The following CEP170B variants were observed in gnomAD, a reference collection of about 807,000 sequenced individuals.
The protein encoded by CEP170B is centrosomal protein of 170 kDa protein B.
Under a neutral mutation model 120.6 loss-of-function variants are expected in CEP170B, and 55 were observed. The ratio of observed to expected loss-of-function variants is 0.46; its 90% CI spans 0.37 to 0.57. CEP170B has a LOEUF of 0.57. Ranked by LOEUF, CEP170B falls within the 20% of genes least tolerant of loss-of-function variation. The pLI, the probability that CEP170B is intolerant of heterozygous loss-of-function variation, is 0.00. For synonymous variants in CEP170B, 1,033 were observed against 954.5 expected, an observed-to-expected ratio of 1.08 and a Z score of -1.52; for missense variants, 2,212 against 2,253.3, an observed-to-expected ratio of 0.98 and a Z score of 0.37.
At position 104,886,447 on chromosome 14, in the gene CEP170B, C is replaced by T; in HGVS notation, c.2208C>T (p.Leu736=). The T allele has an allele frequency of 6.4e-7, 1 of 1,572,276 alleles. No individual in the cohort carries two copies. The highest frequency in any genetic ancestry group is 1.4e-5 in the African/African-American group (1 of 74,070). Residue 736 remains leucine (L), a synonymous_variant, in exon 12 of 19, where the codon CTC becomes CTT. Coordinates refer to ENST00000414716, the MANE Select transcript of CEP170B (RefSeq NM_001112726.3). ...TGGACAGTGAGCAGCCCAGCCGCCTCTTCGGCCAGGAGGAGTTGGATCCTG... is the reference window on the plus strand; with the variant it reads ...TGGACAGTGAGCAGCCCAGCCGCCTTTTCGGCCAGGAGGAGTTGGATCCTG... ...PELDSEQPSR[L]FGQEELDPDS...
intron 7 of CEP170B, 89 bp downstream of exon 7, chr14:104,882,921 C>G: frequency 2.0e-6 from 3 of 1,468,226 alleles, no homozygotes; most frequent in South Asian, 2.6e-5. Flanking sequence ...GAGCCCACTC[C>G]GGGGGACATG....
At position 104,865,297 on chromosome 14, in the gene CEP170B, C is replaced by G. The variant is rs1403545275; in HGVS notation, c.-244C>G. 4 of 145,548 alleles carry G rather than the reference C, an allele frequency of 2.7e-5. No individual in the cohort carries two copies. Among genetic ancestry groups the G allele is most frequent in the Non-Finnish European group, 4.6e-5 (3 of 65,616 alleles). 9.0% of individuals were successfully genotyped at this position (145,548 alleles called of 1,614,324 possible). On this transcript the variant is annotated 5_prime_UTR_variant, in exon 1 of 19. Coordinates refer to ENST00000414716, the MANE Select transcript of CEP170B (RefSeq NM_001112726.3). The surrounding 1 kb of genome is among the most constrained non-coding windows in gnomAD (Gnocchi z 6.7). ...GTCAGGGACCCGCGCGCGAGGCCGC[C>G]GGCGGCCGCTCTGCCGTGGGCTCGG...
chr14:104,865,301 G>T lies in CEP170B; in HGVS notation c.-240G>T, dbSNP rs1469241999. On this transcript the variant is annotated 5_prime_UTR_variant, in exon 1 of 19. Transcript: ENST00000414716. This position sits in a 1 kb window ranked among gnomAD's most constrained non-coding sequence, Gnocchi z 6.7. ...GGGACCCGCGCGCGAGGCCGCCGGC[G>T]GCCGCTCTGCCGTGGGCTCGGCCCG... 6.8e-6 allele frequency: 1 copy of T among 146,436 alleles called. No individual in the cohort carries two copies. The highest frequency in any genetic ancestry group is 2.0e-4 in the East Asian group (1 of 5,054). 9.1% of individuals were successfully genotyped at this position (146,436 alleles called of 1,614,324 possible).
intron 7 of CEP170B, 59 bp from the exon 8 acceptor site, chr14:104,882,976 G>A: frequency 2.0e-6 from 3 of 1,466,270 alleles, no homozygotes; most frequent in East Asian, 2.5e-5. Flanking sequence ...TCCTGGCTGA[G>A]GAGGGTGGTG....
At position 104,870,507 on chromosome 14, in the gene CEP170B, T is replaced by A. The variant is rs1229625414; in HGVS notation, c.105+1952T>A. Among the ~76,000 whole-genome samples the A allele has an allele frequency of 6.6e-6, 1 of 152,056 alleles. No homozygotes were observed. The highest frequency in any genetic ancestry group is 1.5e-5 in the Non-Finnish European group (1 of 67,992). On this transcript the variant is annotated intron_variant, in intron 2 of 18. Coordinates refer to ENST00000414716, the MANE Select transcript of CEP170B (RefSeq NM_001112726.3). This position sits in a 1 kb window ranked among gnomAD's most constrained non-coding sequence, Gnocchi z 4.1. ...TCTACCTAGGGTGGCTAGGAGGGCT[T>A]CTTGGAGGCGGCGGCACTTTGGAGC... is the stretch of plus-strand genomic sequence containing the variant.
At chr14:104,885,989 T>C (rs1727901930) in intron 10 of CEP170B, 51 bp from the exon 11 acceptor site, 1 of 1,464,652 alleles carries the variant, frequency 6.8e-7, no homozygotes, top group Non-Finnish European at 9.1e-7. Context: ...CACCCCCTGC[T>C]TCTCGCCGTT....
rs772898428 is a variant in CEP170B at position 104,876,210 on chromosome 14, A to G, written c.106-46A>G. On this transcript the variant is annotated intron_variant, in intron 2 of 18. Transcript: ENST00000414716. The stretch of plus-strand genomic sequence containing the variant: ...GGGGTGCCTCTGCCTCTTGGGTGTC[A>G]CCTCCTCCCCTGGAGCACCTGAGGG... The G allele has an allele frequency of 8.4e-6, 13 of 1,540,274 alleles. No homozygotes were observed. In the South Asian group the frequency reaches 1.4e-4, roughly 17 times the overall value.
At chr14:104,875,384 T>C (rs895330909) in intron 2 of CEP170B, among the ~76,000 whole-genome samples, 3 of 152,052 alleles carry the variant, frequency 2.0e-5, no homozygotes, top group African/African-American at 7.2e-5. Flanking sequence ...CTTCCCTGGG[T>C]CGGCTGGTTC....
At chr14:104,888,845 G>A (rs982640591) in intron 12 of CEP170B, among the ~76,000 whole-genome samples, 1 of 152,260 alleles carries the variant, frequency 6.6e-6, no homozygotes, top group Admixed American at 6.5e-5. Flanking sequence ...GGCAGGGTTC[G>A]CTGGAGGAAG....
chr14:104,869,802 G>A (rs1257609502), intron 2 of CEP170B, among the ~76,000 whole-genome samples: 2 of 152,172 alleles, frequency 1.3e-5, no homozygotes, highest in African/African-American at 4.8e-5. Flanking sequence ...CACCAAATTG[G>A]CCGGCGCCTA....
rs1346946526 is a variant in CEP170B at position 104,865,580 on chromosome 14, G to A, written c.-28+67G>A. 3 of 150,988 alleles carry A rather than the reference G, an allele frequency of 2.0e-5. No individual in the cohort carries two copies. Among genetic ancestry groups the A allele is most frequent in the African/African-American group, 7.3e-5 (3 of 41,258 alleles). The allele number at this position is 150,988 out of a possible 1,614,324, so 9.4% of individuals were successfully genotyped here. Reference sequence around the variant, plus strand: ...CCATCGCCCGCACCTGCACGGCTGTGGGGTCTCACGGGGCGCGGGGTCCCG... The same window carrying A: ...CCATCGCCCGCACCTGCACGGCTGTAGGGTCTCACGGGGCGCGGGGTCCCG... On this transcript the variant is annotated intron_variant, in intron 1 of 18. Coordinates refer to ENST00000414716, the MANE Select transcript of CEP170B (RefSeq NM_001112726.3). The surrounding 1 kb of genome is among the most constrained non-coding windows in gnomAD (Gnocchi z 6.7).
At chr14:104,885,340 C>G (rs750842766) in intron 9 of CEP170B, 29 bp from the exon 10 acceptor site, 2 of 1,526,540 alleles carry the variant, frequency 1.3e-6, no homozygotes, top group South Asian at 2.5e-5. Flanking sequence ...CTCTGACCCT[C>G]GGTGCCTGGG....
intron 6 of CEP170B, 56 bp downstream of exon 6, chr14:104,880,481 G>T: frequency 1.3e-6 from 2 of 1,582,584 alleles, no homozygotes; most frequent in African/African-American, 1.3e-5. Flanking sequence ...CAGGCCCTCT[G>T]CCCCGCACCT....
At chr14:104,889,471 T>C (rs898464803) in intron 12 of CEP170B, 149 bp from the exon 13 acceptor site, 6 of 1,516,854 alleles carry the variant, frequency 4.0e-6, no homozygotes, top group Non-Finnish European at 4.4e-6. Context: ...TGCTGAGTGC[T>C]GCTTTGTTCT....
Position 104,883,254 on chromosome 14 carries a change from A to T in CEP170B, c.797A>T (p.His266Leu). The change falls in exon 8 of 19, where the codon CAC (histidine) becomes CTC (leucine). Residue 266 changes from histidine (H) to leucine (L), a missense_variant. Physicochemically the swap from His to Leu is moderately conservative, Grantham distance 99. This residue lies in a region of CEP170B where 2,166 missense variants were observed against 2,166.7 expected (regional missense o/e 1.00). Coordinates refer to ENST00000414716, the MANE Select transcript of CEP170B (RefSeq NM_001112726.3). ...GGGAAPVVQSHASFTIEFDDC... is the reference protein window; with the variant it reads ...GGGAAPVVQSLASFTIEFDDC... ...GGAGCGGCCCCTGTGGTGCAGAGCC[A>T]CGCCTCCTTCACCATCGAGTTTGAT... 1.9e-6 allele frequency: 3 copies of T among 1,611,514 alleles called. No homozygotes were observed. The highest frequency in any genetic ancestry group is 2.5e-6 in the Non-Finnish European group (3 of 1,179,564).
At chr14:104,872,987 G>A (rs766512640) in intron 2 of CEP170B, among the ~76,000 whole-genome samples, 3 of 152,240 alleles carry the variant, frequency 2.0e-5, no homozygotes, top group African/African-American at 4.8e-5. Flanking sequence ...TCCACAGCCC[G>A]GGTTTCTGTT....
At chr14:104,890,817 G>GTGGATGGA (rs374686130) in intron 13 of CEP170B, among the ~76,000 whole-genome samples, 1 of 136,660 alleles carries the variant, frequency 7.3e-6, no homozygotes, top group Non-Finnish European at 1.6e-5. Context: ...GAGTGGGTGG[G>GTGGATGGA]TGGATGGATG....
In CEP170B at chr14:104,867,710, C is replaced by T. The variant is rs1470624624; in HGVS notation, c.-27-714C>T. Among the ~76,000 whole-genome samples the T allele has an allele frequency of 6.6e-6, 1 of 152,206 alleles. No homozygotes were observed. Among genetic ancestry groups the T allele is most frequent in the Non-Finnish European group, 1.5e-5 (1 of 68,034 alleles). ...GCTCCCTGCCTGTCTACACCAGCCC[C>T]TCAGACCACCCCCTCTTTGTTGATG... On this transcript the variant is annotated intron_variant, in intron 1 of 18. Coordinates refer to ENST00000414716, the MANE Select transcript of CEP170B (RefSeq NM_001112726.3). The surrounding 1 kb of genome is among the most constrained non-coding windows in gnomAD (Gnocchi z 5.4).
chr14:104,864,968 G>A (rs1292604460), upstream of CEP170B, among the ~76,000 whole-genome samples: 11 of 151,760 alleles, frequency 7.2e-5, no homozygotes, highest in Non-Finnish European at 1.0e-4. This position sits in a 1 kb window ranked among gnomAD's most constrained non-coding sequence, Gnocchi z 5.9. Flanking sequence ...GAAGCGGGGG[G>A]CGCTGCCGAG....
Sources: allele counts gnomAD v4.1 joint callset (sites outside exome capture counted in the v4.1 genomes callset), GRCh38; gene constraint gnomAD v4.1.1; regional missense constraint gnomAD v4.1.1; non-coding constraint Gnocchi (gnomAD v3.1); transcripts MANE v1.5; gene names NCBI Gene and HGNC (gene_info 2026-07-23, HGNC 2026-07-21).